PHF20L1: variants seen among roughly 807,000 people sequenced by gnomAD.
PHF20L1 encodes the protein PHD finger protein 20-like protein 1.
PHF20L1 carries 44 observed loss-of-function variants against 125.5 expected under a neutral mutation model. The ratio of observed to expected loss-of-function variants is 0.35; its 90% CI spans 0.28 to 0.45. The LOEUF is 0.45. Among genes scored for constraint, PHF20L1 ranks in the 20% least tolerant of loss-of-function variants. The pLI, the probability that PHF20L1 is intolerant of heterozygous loss-of-function variation, is 1.00. For synonymous variants in PHF20L1, 380 were observed against 403.1 expected (o/e 0.94, Z 0.69); for missense variants, 1,012 against 1,217.2 (o/e 0.83, Z 2.51).
At chr8:132,791,764 C>T (rs1416216697) in intron 2 of PHF20L1, among the ~76,000 whole-genome samples, 1 of 152,096 alleles carries the variant, frequency 6.6e-6, no homozygotes, top group African/African-American at 2.4e-5. Context: ...TTACTTAATT[C>T]TTGGCCTTCA....
Position 132,837,749 on chromosome 8 carries a change from T to C in PHF20L1, c.2129T>C (p.Met710Thr). Residue 710 changes from methionine (M) to threonine (T), a missense_variant, in exon 17 of 21, where the codon ATG (methionine) becomes ACG (threonine). This residue lies in a region of PHF20L1 where 55 missense variants were observed against 114.8 expected (regional missense o/e 0.48). Transcript: ENST00000395386. The part of the protein sequence containing the change: ...ECLCWQHSVC[M>T]GLLEESIPEQ... The stretch of plus-strand genomic sequence containing the variant: ...TTGTGTTGGCAACACAGCGTGTGCA[T>C]GGGGCTGCTGGAGGAGAGCATTCCA... The C allele has an allele frequency of 6.2e-7, 1 of 1,613,156 alleles. No homozygotes were observed. Among genetic ancestry groups the C allele is most frequent in the Non-Finnish European group, 8.5e-7 (1 of 1,179,450 alleles).
At chr8:132,843,217 T>C in intron 19 of PHF20L1, 1 of 1,007,678 alleles carries the variant, frequency 9.9e-7, no homozygotes, top group South Asian at 4.3e-5. Flanking sequence ...ATGGGTGTAA[T>C]GATTTGTCTT....
At chr8:132,826,964 A>G (rs1173503150) in intron 14 of PHF20L1, 1 of 152,006 alleles carries the variant, frequency 6.6e-6, no homozygotes, top group Non-Finnish European at 1.5e-5. Context: ...AGCTCTCTCC[A>G]TAGTCCAAAA....
intron 12 of PHF20L1, 114 bp from the exon 13 acceptor site, chr8:132,823,890 G>T: frequency 1.7e-6 from 1 of 592,666 alleles, no homozygotes; most frequent in Non-Finnish European, 3.0e-6. Flanking sequence ...CATGTAGACC[G>T]TTAGGAGAAA....
rs1416660839 is a variant in PHF20L1 at position 132,814,883 on chromosome 8, A to G, written c.1177A>G (p.Lys393Glu). The change falls in exon 10 of 21, where the codon AAA (lysine) becomes GAA (glutamate). Residue 393 changes from lysine to glutamate, a missense_variant. This residue lies in a region of PHF20L1 where 119 missense variants were observed against 160.2 expected (regional missense o/e 0.74). Coordinates refer to ENST00000395386, the MANE Select transcript of PHF20L1 (RefSeq NM_016018.5). ...TCAGCTTTCTTCTTCAGTGATAAAT[A>G]AAACTAGTGAGCACAGATTTTTAAA... ...VSQLSSSVIN[K>E]TSPPQPVNPP... is the part of the protein sequence containing the mutation. 2 of 1,596,506 alleles carry G rather than the reference A, an allele frequency of 1.3e-6. No homozygotes were observed. Among genetic ancestry groups the G allele is most frequent in the African/African-American group, 2.7e-5 (2 of 74,388 alleles).
chr8:132,786,242 C>T (rs1289216011), intron 2 of PHF20L1, among the ~76,000 whole-genome samples: 1 of 151,974 alleles, frequency 6.6e-6, no homozygotes, highest in African/African-American at 2.4e-5. Flanking sequence ...ACTTTCTTTA[C>T]TCCAATTATT....
chr8:132,784,237 A>G lies in PHF20L1; in HGVS notation c.83+6326A>G, dbSNP rs570640662. Among the ~76,000 whole-genome samples the G allele has an allele frequency of 1.1e-4, 16 of 152,224 alleles. No homozygotes were observed. The South Asian group carries it at 2.3e-3, about 22-fold the overall frequency. ...CTTTTTTTATGTTAATTCGTTTTTTATAGAACTCTTTCTGGTTTATAAGCT... is the reference window on the plus strand; with the variant it reads ...CTTTTTTTATGTTAATTCGTTTTTTGTAGAACTCTTTCTGGTTTATAAGCT... On this transcript the variant is annotated intron_variant, in intron 2 of 20. Transcript: ENST00000395386.
chr8:132,836,316 T>C (rs1298668449), intron 15 of PHF20L1: 2 of 361,022 alleles, frequency 5.5e-6, no homozygotes, highest in East Asian at 4.4e-5. Context: ...GAGTTACTTA[T>C]AATAGTGTAT....
At chr8:132,793,677 T>G (rs1169728508) in intron 2 of PHF20L1, among the ~76,000 whole-genome samples, 1 of 152,230 alleles carries the variant, frequency 6.6e-6, no homozygotes, top group Non-Finnish European at 1.5e-5. Flanking sequence ...CTAATTCCTA[T>G]TTTGGAATTA....
chr8:132,786,610 A>G (rs539853338), intron 2 of PHF20L1, among the ~76,000 whole-genome samples: 11 of 152,224 alleles, frequency 7.2e-5, no homozygotes, highest in African/African-American at 2.4e-4. Flanking sequence ...AGAATCTGTA[A>G]TGATTGAATG....
intron 9 of PHF20L1, chr8:132,811,952 C>T (rs139486340): frequency 4.2e-5 from 41 of 979,076 alleles, no homozygotes; most frequent in East Asian, 3.4e-4. Context: ...CCTCTAGATG[C>T]GTTTTAAAAA....
At chr8:132,787,005 A>T (rs1051196244) in intron 2 of PHF20L1, among the ~76,000 whole-genome samples, 2 of 152,042 alleles carry the variant, frequency 1.3e-5, no homozygotes, top group Admixed American at 6.6e-5. Flanking sequence ...GGTGATTGCA[A>T]CCTGCTAGAT....
intron 14 of PHF20L1, among the ~76,000 whole-genome samples, chr8:132,830,764 C>T (rs778709963): frequency 6.6e-6 from 1 of 152,018 alleles, no homozygotes; most frequent in Admixed American, 6.6e-5. Context: ...ACTGCCATCC[C>T]CCTTTCCCAC....
chr8:132,820,633 G>A (rs1835474880), intron 12 of PHF20L1, among the ~76,000 whole-genome samples: 1 of 151,870 alleles, frequency 6.6e-6, no homozygotes, highest in South Asian at 2.1e-4. Flanking sequence ...CTGCTTCCTT[G>A]AAACTCAGTT....
intron 19 of PHF20L1, 72 bp downstream of exon 19, chr8:132,842,947 C>T (rs1838078276): frequency 6.8e-7 from 1 of 1,474,966 alleles, no homozygotes; most frequent in African/African-American, 1.4e-5. Flanking sequence ...TAAAATAAGG[C>T]ATACTGAATT....
chr8:132,798,985 C>T (rs1304514734), intron 5 of PHF20L1, 110 bp from the exon 6 acceptor site: 1 of 1,096,224 alleles, frequency 9.1e-7, no homozygotes, highest in Non-Finnish European at 1.3e-6. Flanking sequence ...CTGATAGCCC[C>T]AAATAGCAGC....
At chr8:132,837,170 A>G (rs1416867588) in intron 16 of PHF20L1, among the ~76,000 whole-genome samples, 1 of 152,080 alleles carries the variant, frequency 6.6e-6, no homozygotes. Flanking sequence ...TGTAGGAAAG[A>G]TATCTTTAAG....
intron 19 of PHF20L1, 31 bp from the exon 20 acceptor site, chr8:132,844,125 G>C (rs1191894650): frequency 5.6e-6 from 9 of 1,609,646 alleles, no homozygotes; most frequent in Non-Finnish European, 7.6e-6. Context: ...CCCGTTCTTT[G>C]TGTTTATTTT....
intron 17 of PHF20L1, 65 bp downstream of exon 17, chr8:132,837,876 G>A: frequency 8.9e-7 from 1 of 1,120,076 alleles, no homozygotes. Context: ...ATTCCAGAGT[G>A]TATCAGCTGT....
Sources: allele counts gnomAD v4.1 joint callset (sites outside exome capture counted in the v4.1 genomes callset), GRCh38; gene constraint gnomAD v4.1.1; regional missense constraint gnomAD v4.1.1; transcripts MANE v1.5; gene names NCBI Gene and HGNC (gene_info 2026-07-23, HGNC 2026-07-21).